ACAD10: variants seen among roughly 807,000 people sequenced by gnomAD.
The protein encoded by ACAD10 is ACAD-10.
Under a neutral mutation model 116.8 loss-of-function variants are expected in ACAD10, and 112 were observed. The observed-to-expected ratio is 0.96, with a 90% CI of 0.82 to 1.12. The LOEUF (loss-of-function observed/expected upper bound fraction) is 1.12. Among genes scored for constraint, ACAD10 ranks in the 50% most tolerant of loss-of-function variants. ACAD10 has a pLI of 0.00. For missense variants in ACAD10, 1,259 were observed against 1,350.2 expected (o/e 0.93, Z 1.06); for synonymous variants, 486 against 510.6 (o/e 0.95, Z 0.65).
chr12:111,741,667 TGTA>T (rs1889747290), intron 12 of ACAD10, among the ~76,000 whole-genome samples: 1 of 152,084 alleles, frequency 6.6e-6, no homozygotes, highest in Admixed American at 6.6e-5. Flanking sequence ...AGTTTTCTCA[TGTA>T]AAAACAACAA....
At chr12:111,730,846 G>C (rs1192300823) in intron 10 of ACAD10, among the ~76,000 whole-genome samples, 1 of 151,830 alleles carries the variant, frequency 6.6e-6, no homozygotes, top group African/African-American at 2.4e-5. Flanking sequence ...CCACCTCCTG[G>C]GTTCAAGCAA....
intron 10 of ACAD10, among the ~76,000 whole-genome samples, chr12:111,731,225 C>G (rs1215029843): frequency 6.6e-6 from 1 of 152,248 alleles, no homozygotes; most frequent in East Asian, 1.9e-4. Flanking sequence ...GACAGCTGAG[C>G]TTTCTTTGTC....
rs549711448 is a variant in ACAD10 at position 111,753,530 on chromosome 12, G to T, written c.2818-242G>T. 4 of 697,834 alleles carry T rather than the reference G, an allele frequency of 5.7e-6. No individual in the cohort carries two copies. In the South Asian group the frequency reaches 6.0e-5, roughly 10 times the overall value. The allele number at this position is 697,834 out of a possible 1,614,324, so 43.2% of individuals were successfully genotyped here. A position where few individuals can be genotyped will look rare whatever the true frequency, so the allele number is the denominator to read the frequency against. ...GGTTCTTGGAAGCAATTTGTTACAGGCACCCTGTGGGCTGTGGCTGGCTGT... is the reference window on the plus strand; with the variant it reads ...GGTTCTTGGAAGCAATTTGTTACAGTCACCCTGTGGGCTGTGGCTGGCTGT... On this transcript the variant is annotated intron_variant, in intron 18 of 20. Coordinates refer to ENST00000313698, the MANE Select transcript of ACAD10 (RefSeq NM_025247.6).
intron 2 of ACAD10, among the ~76,000 whole-genome samples, chr12:111,701,153 TTAA>T (rs1301733953): frequency 3.3e-5 from 5 of 152,202 alleles, no homozygotes; most frequent in Admixed American, 3.3e-4. Flanking sequence ...CAAAGGTGTT[TTAA>T]TTCCAAAACA....
chr12:111,713,064 G>C (rs1888736624), intron 6 of ACAD10, among the ~76,000 whole-genome samples: 1 of 152,192 alleles, frequency 6.6e-6, no homozygotes, highest in Non-Finnish European at 1.5e-5. Context: ...TGTAATCCCA[G>C]CACTTTAGGA....
chr12:111,746,703 A>G (rs1169805895), intron 14 of ACAD10, among the ~76,000 whole-genome samples: 1 of 152,124 alleles, frequency 6.6e-6, no homozygotes, highest in African/African-American at 2.4e-5. Context: ...GAAGCTTGAA[A>G]TATTAATGTG....
At chr12:111,703,314 C>T (rs1888404371) in intron 3 of ACAD10, among the ~76,000 whole-genome samples, 3 of 152,080 alleles carry the variant, frequency 2.0e-5, no homozygotes, top group Admixed American at 6.6e-5. Flanking sequence ...GATACTAAAA[C>T]AGGAGCTGTC....
intron 18 of ACAD10, chr12:111,752,721 T>C (rs1314078721): frequency 6.6e-6 from 1 of 152,116 alleles, no homozygotes; most frequent in East Asian, 1.9e-4. Context: ...CCACCAAATA[T>C]TAACTAGTGG....
At chr12:111,694,806 G>A (rs61941274) in intron 2 of ACAD10, among the ~76,000 whole-genome samples, 1,728 of 152,246 alleles carry the variant, frequency 0.011, 10 homozygotes, top group Non-Finnish European at 0.019. Context: ...TGGGCAGATC[G>A]CTTGAGCACA....
chr12:111,710,607 G>T (rs1194720876), intron 5 of ACAD10, among the ~76,000 whole-genome samples: 1 of 151,238 alleles, frequency 6.6e-6, no homozygotes, highest in Non-Finnish European at 1.5e-5. Flanking sequence ...CAATTCTCGT[G>T]TGTCAGCCCC....
chr12:111,692,672 C>T (rs770317550), intron 1 of ACAD10, 25 bp from the exon 2 acceptor site: 28 of 1,595,362 alleles, frequency 1.8e-5, no homozygotes, highest in Middle Eastern at 2.2e-4. Flanking sequence ...AGGCAAGTAA[C>T]GCCCTGTGCC....
chr12:111,755,195 C>T (rs1363056238), intron 19 of ACAD10, among the ~76,000 whole-genome samples: 6 of 152,170 alleles, frequency 3.9e-5, no homozygotes, highest in East Asian at 1.9e-4. Context: ...CTCCGCCTCC[C>T]GGGTTCAAGC....
chr12:111,724,817 GGAGAGGGAGACCGTGGAAA>G (rs1370414655), intron 8 of ACAD10, among the ~76,000 whole-genome samples: 2 of 149,186 alleles, frequency 1.3e-5, no homozygotes, highest in African/African-American at 2.5e-5. Flanking sequence ...GGAAAGAGAG[GGAGAGGGAGACCGTGGAAA>G]GAGAGGGAGA....
intron 3 of ACAD10, among the ~76,000 whole-genome samples, chr12:111,704,688 CTTTTT>C (rs59745029): frequency 7.9e-6 from 1 of 126,152 alleles, no homozygotes; most frequent in African/African-American, 3.1e-5. Flanking sequence ...TTCTTTCTTT[CTTTTT>C]TTTTTTTTTT....
At chr12:111,743,399 C>T (rs1427837665) in intron 12 of ACAD10, among the ~76,000 whole-genome samples, 2 of 146,978 alleles carry the variant, frequency 1.4e-5, no homozygotes, top group East Asian at 2.0e-4. Flanking sequence ...AATGGAGTCT[C>T]GCTCTGTTGC....
Position 111,692,766 on chromosome 12 carries a change from C to T in ACAD10, c.57C>T (p.Ala19=). The change falls in exon 2 of 21, where the codon GCC becomes GCT. Residue 19 remains alanine, a synonymous_variant. Coordinates refer to ENST00000313698, the MANE Select transcript of ACAD10 (RefSeq NM_025247.6). ...GTCTCCAGTGGGTGTGGAGAACAGC[C>T]TTCCTGAAACACACCCAGCGCAGGC... ...SPRLQWVWRT[A]FLKHTQRRHQ... 3 of 1,614,208 alleles carry T rather than the reference C, an allele frequency of 1.9e-6. No homozygotes were observed. The highest frequency in any genetic ancestry group is 2.5e-6 in the Non-Finnish European group (3 of 1,180,034).
rs1475283922 is a variant in ACAD10 at position 111,715,840 on chromosome 12, G to A, written c.870G>A (p.Gln290=). Residue 290 remains glutamine, a synonymous_variant, in exon 7 of 21, where the codon CAG becomes CAA. Transcript: ENST00000313698. ...IQTTGPLELL[Q]FDHGQSNPTY... is the part of the protein sequence containing the mutation. The stretch of plus-strand genomic sequence containing the variant: ...TTGCAGGCCCATTGGAACTACTTCA[G>A]TTTGATCACGGGCAGTCAAATCCAA... 4 of 1,614,074 alleles carry A rather than the reference G, an allele frequency of 2.5e-6. No homozygotes were observed. The African/African-American group carries it at 5.3e-5, about 22-fold the overall frequency.
chr12:111,751,541 G>T (rs866811986), intron 18 of ACAD10, among the ~76,000 whole-genome samples: 1 of 151,552 alleles, frequency 6.6e-6, no homozygotes, highest in Non-Finnish European at 1.5e-5. Context: ...GACCAGCCTC[G>T]CCAACATGGT....
chr12:111,744,552 A>G (rs983795889), intron 12 of ACAD10, 91 bp from the exon 13 acceptor site: 7 of 1,470,406 alleles, frequency 4.8e-6, no homozygotes, highest in Non-Finnish European at 5.5e-6. Context: ...GCAAATGGCA[A>G]TAGCTGCTGA....
Sources: gnomAD v4.1 joint callset for allele counts (sites outside exome capture counted in the v4.1 genomes callset) on GRCh38, gnomAD v4.1.1 for gene constraint, MANE v1.5 for transcripts, NCBI Gene and HGNC (gene_info 2026-07-23, HGNC 2026-07-21) for gene names.